Variants in ZNF462 observed in about 807,000 individuals in gnomAD.
ZNF462 encodes zinc finger PBX1-interacting protein.
A neutral mutation model predicts 201.9 loss-of-function variants in ZNF462; 10 were observed. That is an observed-to-expected ratio of 0.05 (90% CI 0.03 to 0.08). ZNF462 has a LOEUF of 0.08. Among genes scored for constraint, ZNF462 ranks in the 10% least tolerant of loss-of-function variants. ZNF462 has a pLI of 1.00. For missense variants in ZNF462, 2,523 were observed against 3,168.3 expected (o/e 0.80, Z 4.89); for synonymous variants, 1,227 against 1,193.3 (o/e 1.03, Z -0.58).
chr9:106,972,316 C>G lies in ZNF462; in HGVS notation c.6695+44C>G. On this transcript the variant is annotated intron_variant, in intron 8 of 12. Coordinates refer to ENST00000277225, the MANE Select transcript of ZNF462 (RefSeq NM_021224.6). This position sits in a 1 kb window ranked among gnomAD's most constrained non-coding sequence, Gnocchi z 4.8. ...AGCTATGGAAAACAAGGCGGCCGCCCCTGCTCCACCCCTCACTGCAGGCTT... is the reference window on the plus strand; with the variant it reads ...AGCTATGGAAAACAAGGCGGCCGCCGCTGCTCCACCCCTCACTGCAGGCTT... 6.3e-7 allele frequency: 1 copy of G among 1,583,380 alleles called. No individual in the cohort carries two copies. Among genetic ancestry groups the G allele is most frequent in the South Asian group, 1.2e-5 (1 of 84,656 alleles).
chr9:106,943,506 G>A (rs1830976473), intron 7 of ZNF462, among the ~76,000 whole-genome samples: 1 of 152,060 alleles, frequency 6.6e-6, no homozygotes, highest in Non-Finnish European at 1.5e-5. Context: ...AGCATTTAAT[G>A]TCTTCCTTTG....
chr9:106,924,694 A>G lies in ZNF462; in HGVS notation c.782A>G (p.His261Arg). Residue 261 changes from histidine (H) to arginine (R), a missense_variant, in exon 3 of 13, where the codon CAC becomes CGC. His to Arg is a conservative substitution (Grantham distance 29). This residue lies in a region of ZNF462 where 480 missense variants were observed against 544.4 expected (regional missense o/e 0.88). Transcript: ENST00000277225. This position sits in a 1 kb window ranked among gnomAD's most constrained non-coding sequence, Gnocchi z 6.2. ...CCCCGCCGAGAACGCTGGTGTGACC[A>G]CATGATGAAGAAACACCGCAGTATG... is the stretch of plus-strand genomic sequence containing the variant. ...QTPRRERWCDHMMKKHRSMVK... is the reference protein window; with the variant it reads ...QTPRRERWCDRMMKKHRSMVK... The G allele has an allele frequency of 6.2e-7, 1 of 1,614,138 alleles. No homozygotes were observed.
At position 106,966,786 on chromosome 9, in the gene ZNF462, A is replaced by G. The variant is rs535423820; in HGVS notation, c.6428-5219A>G. On this transcript the variant is annotated intron_variant, in intron 7 of 12. Transcript: ENST00000277225. The surrounding 1 kb of genome is among the most constrained non-coding windows in gnomAD (Gnocchi z 4.4). ...CCACCTCTAAAATTTGCTTGCCTAA[A>G]ATTCCTTGTCTTTTATTTTTTCTTG... Among the ~76,000 whole-genome samples the G allele has an allele frequency of 1.2e-4, 18 of 152,190 alleles. No homozygotes were observed. In the East Asian group the frequency reaches 3.5e-3, roughly 29 times the overall value.
intron 11 of ZNF462, among the ~76,000 whole-genome samples, chr9:107,004,886 G>T (rs1829440696): frequency 6.6e-6 from 1 of 151,842 alleles, no homozygotes. Flanking sequence ...CCGAGCCCCT[G>T]GTAACCACCA....
In ZNF462 at chr9:106,865,770, A is replaced by G. The variant is rs73667301; in HGVS notation, c.-31+2415A>G. The stretch of plus-strand genomic sequence containing the variant: ...ATGTCCAGGTATCTTCACCTTTTTA[A>G]TTGGGAGGAATTTATTAATCATGTA... On this transcript the variant is annotated intron_variant, in intron 1 of 12. Transcript: ENST00000277225. This position sits in a 1 kb window ranked among gnomAD's most constrained non-coding sequence, Gnocchi z 4.1. Among the ~76,000 whole-genome samples the G allele has an allele frequency of 0.076, 11,594 of 152,210 alleles. 511 individuals are homozygous for G. Among genetic ancestry groups the G allele is most frequent in the South Asian group, 0.14 (693 of 4,808 alleles).
At position 106,883,072 on chromosome 9, in the gene ZNF462, T is replaced by C. The variant is rs551432758; in HGVS notation, c.-31+19717T>C. Among the ~76,000 whole-genome samples, 1 of 152,308 alleles carries C rather than the reference T, an allele frequency of 6.6e-6. No individual in the cohort carries two copies. Among genetic ancestry groups the C allele is most frequent in the East Asian group, 1.9e-4 (1 of 5,176 alleles). ...GAACATTTCAATGGAATGATTTAGA[T>C]CATTGAAAGTCTACTATGTGCAGAA... is the stretch of plus-strand genomic sequence containing the variant. On this transcript the variant is annotated intron_variant, in intron 1 of 12. Coordinates refer to ENST00000277225, the MANE Select transcript of ZNF462 (RefSeq NM_021224.6). This position sits in a 1 kb window ranked among gnomAD's most constrained non-coding sequence, Gnocchi z 4.9.
chr9:106,983,825 G>C (rs962009203), intron 9 of ZNF462, among the ~76,000 whole-genome samples: 2 of 152,140 alleles, frequency 1.3e-5, no homozygotes, highest in African/African-American at 4.8e-5. Flanking sequence ...GCATGCTAAT[G>C]GTTGTTGTCA....
chr9:106,989,263 G>T, intron 10 of ZNF462, among the ~76,000 whole-genome samples: 1 of 151,998 alleles, frequency 6.6e-6, no homozygotes, highest in East Asian at 1.9e-4. Flanking sequence ...CCTGGATATT[G>T]TCCAATGCTT....
chr9:106,944,904 A>G (rs918718940), intron 7 of ZNF462, among the ~76,000 whole-genome samples: 13 of 152,188 alleles, frequency 8.5e-5, no homozygotes, highest in Admixed American at 2.6e-4. Flanking sequence ...CTCTGTCACA[A>G]CTACTTAATT....
chr9:106,861,455 G>T (rs949363745), upstream of ZNF462, among the ~76,000 whole-genome samples: 10 of 152,192 alleles, frequency 6.6e-5, no homozygotes, highest in African/African-American at 2.2e-4. Flanking sequence ...TTCACCGGAT[G>T]CGCGCTCCTC....
Position 106,926,262 on chromosome 9 carries a change from A to G in ZNF462, c.2350A>G (p.Thr784Ala). ...AAACATCACCCACGATTACAATGCC[A>G]CCAATGGGGCTGAGATTGAGCTCAC... The part of the protein sequence containing the change: ...FRNITHDYNA[T>A]NGAEIELTLS... Residue 784 changes from threonine to alanine, a missense_variant, in exon 3 of 13, where the codon ACC becomes GCC. Thr to Ala is a moderately conservative substitution (Grantham distance 58). Around this residue, in one of 15 missense-constraint regions of ZNF462, gnomAD observed 383 missense variants for 453.4 expected, o/e 0.84. Coordinates refer to ENST00000277225, the MANE Select transcript of ZNF462 (RefSeq NM_021224.6). The surrounding 1 kb of genome is among the most constrained non-coding windows in gnomAD (Gnocchi z 7.9). 6.2e-7 allele frequency: 1 copy of G among 1,614,206 alleles called. No homozygotes were observed. Among genetic ancestry groups the G allele is most frequent in the Admixed American group, 1.7e-5 (1 of 60,024 alleles).
At chr9:106,862,659 G>A (rs750870865), upstream of ZNF462, among the ~76,000 whole-genome samples, 1 of 151,850 alleles carries the variant, frequency 6.6e-6, no homozygotes, top group Admixed American at 6.6e-5. This position sits in a 1 kb window ranked among gnomAD's most constrained non-coding sequence, Gnocchi z 4.2. Context: ...GGCTCTGAGT[G>A]ACAAAGACAA....
chr9:106,881,210 C>T (rs1022928619), intron 1 of ZNF462, among the ~76,000 whole-genome samples: 1 of 152,188 alleles, frequency 6.6e-6, no homozygotes, highest in Non-Finnish European at 1.5e-5. Context: ...TCTTTTCAAA[C>T]ACTAGGCTTG....
chr9:106,956,971 G>A (rs1320488397), intron 7 of ZNF462, among the ~76,000 whole-genome samples: 1 of 152,098 alleles, frequency 6.6e-6, no homozygotes, highest in Non-Finnish European at 1.5e-5. Context: ...CAGCAATAAG[G>A]ATGTTTTGTT....
rs924714800 is a variant in ZNF462, at chr9:107,013,332, T to C, written c.*2302T>C. On this transcript the variant is annotated 3_prime_UTR_variant, in exon 13 of 13. Coordinates refer to ENST00000277225, the MANE Select transcript of ZNF462 (RefSeq NM_021224.6). ...GCCGCACATTTTGGATGCATTATTA[T>C]AATTCTGTTGACTGTAATGACATAG... 2 of 152,216 alleles carry C rather than the reference T, an allele frequency of 1.3e-5. No homozygotes were observed. The highest frequency in any genetic ancestry group is 4.8e-5 in the African/African-American group (2 of 41,476). 9.4% of individuals were successfully genotyped at this position (152,216 alleles called of 1,614,324 possible). A position where few individuals can be genotyped will look rare whatever the true frequency, so the allele number is the denominator to read the frequency against.
chr9:106,891,527 T>C (rs1828577296), intron 1 of ZNF462, among the ~76,000 whole-genome samples: 1 of 152,194 alleles, frequency 6.6e-6, no homozygotes, highest in Non-Finnish European at 1.5e-5. Flanking sequence ...GAAGTTAAGA[T>C]GGTCACGAGA....
chr9:106,929,818 T>G lies in ZNF462; in HGVS notation c.5847+59T>G. The G allele has an allele frequency of 6.8e-7, 1 of 1,480,942 alleles. No individual in the cohort carries two copies. Among genetic ancestry groups the G allele is most frequent in the Non-Finnish European group, 9.2e-7 (1 of 1,091,568 alleles). The allele number at this position is 1,480,942 out of a possible 1,614,324, so 91.7% of individuals were successfully genotyped here. A position where few individuals can be genotyped will look rare whatever the true frequency, so the allele number is the denominator to read the frequency against. ...AGGCCTCTCATCACTGGTGCCCACA[T>G]GCACTTCTTCGTTGCCAGCCAAACT... On this transcript the variant is annotated intron_variant, in intron 3 of 12. Coordinates refer to ENST00000277225, the MANE Select transcript of ZNF462 (RefSeq NM_021224.6). This position sits in a 1 kb window ranked among gnomAD's most constrained non-coding sequence, Gnocchi z 8.7.
At chr9:106,957,478 G>A (rs560217783) in intron 7 of ZNF462, among the ~76,000 whole-genome samples, 2 of 152,206 alleles carry the variant, frequency 1.3e-5, no homozygotes, top group Admixed American at 1.3e-4. Flanking sequence ...CAGGAAATGA[G>A]TACCTGTTGC....
At chr9:106,965,760 T>A (rs1832044225) in intron 7 of ZNF462, among the ~76,000 whole-genome samples, 1 of 152,080 alleles carries the variant, frequency 6.6e-6, no homozygotes, top group Non-Finnish European at 1.5e-5. Context: ...ACTCAGATGA[T>A]CACAAAGCTC....
Sources: gnomAD v4.1 joint callset for allele counts (sites outside exome capture counted in the v4.1 genomes callset) on GRCh38, gnomAD v4.1.1 for gene constraint, gnomAD v4.1.1 regional missense constraint, Gnocchi (gnomAD v3.1) non-coding constraint, MANE v1.5 for transcripts, NCBI Gene and HGNC (gene_info 2026-07-23, HGNC 2026-07-21) for gene names.